Variants in WSCD2 observed in about 807,000 individuals in gnomAD.
The protein encoded by WSCD2 is sialate:O-sulfotransferase 2.
Under a neutral mutation model 55.7 loss-of-function variants are expected in WSCD2, and 28 were observed. The observed-to-expected ratio is 0.50, with a 90% confidence interval of 0.37 to 0.69. The LOEUF is 0.69. Among genes scored for constraint, WSCD2 ranks in the 30% least tolerant of loss-of-function variants. WSCD2 has a pLI of 0.00. For missense variants in WSCD2, 616 were observed against 762.1 expected (o/e 0.81, Z 2.26); for synonymous variants, 301 against 301.9 (o/e 1.00, Z 0.03).
intron 2 of WSCD2, among the ~76,000 whole-genome samples, chr12:108,202,677 GAAC>G (rs1249650804): frequency 1.3e-5 from 2 of 152,208 alleles, no homozygotes; most frequent in Non-Finnish European, 2.9e-5. Context: ...ACAAAGAGGG[GAAC>G]AACAGACACT....
At chr12:108,132,696 C>T (rs1487135125) in intron 1 of WSCD2, among the ~76,000 whole-genome samples, 8 of 152,184 alleles carry the variant, frequency 5.3e-5, no homozygotes, top group Non-Finnish European at 2.9e-5. Flanking sequence ...GGGATCTGTG[C>T]AGAAATATCC....
chr12:108,199,675 T>C (rs1884411212), intron 2 of WSCD2, among the ~76,000 whole-genome samples: 1 of 152,226 alleles, frequency 6.6e-6, no homozygotes, highest in Admixed American at 6.5e-5. Context: ...AGCATTTACA[T>C]CTATTACATC....
intron 1 of WSCD2, among the ~76,000 whole-genome samples, chr12:108,142,425 C>A (rs897947896): frequency 3.3e-5 from 5 of 152,184 alleles, no homozygotes; most frequent in Non-Finnish European, 7.3e-5. Context: ...AGGGACAGCC[C>A]TATAAGAGAC....
chr12:108,219,807 C>T (rs932062400), intron 4 of WSCD2, among the ~76,000 whole-genome samples: 2 of 152,258 alleles, frequency 1.3e-5, no homozygotes, highest in African/African-American at 4.8e-5. Context: ...CCCCAAAATA[C>T]TGTCTGTAGC....
intron 1 of WSCD2, among the ~76,000 whole-genome samples, chr12:108,170,872 G>C (rs1880171609): frequency 6.6e-5 from 10 of 152,172 alleles, no homozygotes; most frequent in Admixed American, 5.2e-4. Context: ...CAGTCCTGTG[G>C]GCTTGCAGAA....
chr12:108,201,631 C>T (rs758231607), intron 2 of WSCD2, among the ~76,000 whole-genome samples: 1 of 152,160 alleles, frequency 6.6e-6, no homozygotes. Flanking sequence ...TTTGAGGCTA[C>T]TGCAGCATCA....
intron 1 of WSCD2, among the ~76,000 whole-genome samples, chr12:108,141,676 A>C (rs1427756857): frequency 1.3e-5 from 2 of 152,174 alleles, no homozygotes; most frequent in Non-Finnish European, 2.9e-5. Flanking sequence ...TCTCCATCCC[A>C]AAATCCTCCA....
intron 8 of WSCD2, among the ~76,000 whole-genome samples, chr12:108,247,105 C>T (rs1890148636): frequency 6.6e-6 from 1 of 152,078 alleles, no homozygotes; most frequent in African/African-American, 2.4e-5. Flanking sequence ...ACTTAAAAGC[C>T]CAGACTTTGA....
rs749000017 is a variant in WSCD2 at position 108,210,449 on chromosome 12, C to T, written c.682+144C>T. On this transcript the variant is annotated intron_variant, in intron 4 of 8. Coordinates refer to ENST00000547525, the MANE Select transcript of WSCD2 (RefSeq NM_014653.4). This position sits in a 1 kb window ranked among gnomAD's most constrained non-coding sequence, Gnocchi z 4.3. ...CCACCGTCCTGCCCCTGCCTCACCT[C>T]TCCCACTCCCTCACAGAGCCCTTTG... The T allele has an allele frequency of 3.7e-6, 4 of 1,093,130 alleles. No homozygotes were observed. Among genetic ancestry groups the T allele is most frequent in the Non-Finnish European group, 5.1e-6 (4 of 784,270 alleles). 67.7% of individuals were successfully genotyped at this position (1,093,130 alleles called of 1,614,324 possible). A position where few individuals can be genotyped will look rare whatever the true frequency, so the allele number is the denominator to read the frequency against.
Position 108,224,733 on chromosome 12 carries a change from C to T in WSCD2, c.683-6C>T, listed in dbSNP as rs1887890975. 2 of 1,611,458 alleles carry T rather than the reference C, an allele frequency of 1.2e-6. No homozygotes were observed. The highest frequency in any genetic ancestry group is 1.7e-5 in the Admixed American group (1 of 59,890). On this transcript the variant is annotated splice_region_variant and splice_polypyrimidine_tract_variant and intron_variant, in intron 4 of 8. Coordinates refer to ENST00000547525, the MANE Select transcript of WSCD2 (RefSeq NM_014653.4). ...CTGACTAGTCCTCTTCTCTCTGGCT[C>T]TTCAGATGGAAGTGCAGTGTTCCGG...
At chr12:108,211,505 G>A (rs951624608) in intron 4 of WSCD2, among the ~76,000 whole-genome samples, 5 of 151,936 alleles carry the variant, frequency 3.3e-5, no homozygotes, top group East Asian at 3.9e-4. Flanking sequence ...CTGCCCACCC[G>A]GGTGGCTTTA....
chr12:108,131,460 G>A (rs551345254), intron 1 of WSCD2, among the ~76,000 whole-genome samples: 30 of 152,294 alleles, frequency 2.0e-4, no homozygotes, highest in African/African-American at 3.8e-4. Context: ...CCCTCTCCAC[G>A]CTTCGGCTCC....
intron 1 of WSCD2, among the ~76,000 whole-genome samples, chr12:108,159,659 T>G (rs1878865180): frequency 6.6e-6 from 1 of 152,208 alleles, no homozygotes; most frequent in Non-Finnish European, 1.5e-5. Context: ...CTCCAACTGC[T>G]TGGGATCATC....
intron 1 of WSCD2, among the ~76,000 whole-genome samples, chr12:108,176,445 A>G (rs1169675830): frequency 1.3e-5 from 2 of 152,226 alleles, no homozygotes; most frequent in African/African-American, 4.8e-5. Flanking sequence ...TTCACTCGGC[A>G]TAATGCATGA....
intron 1 of WSCD2, among the ~76,000 whole-genome samples, chr12:108,150,670 G>A (rs771604237): frequency 2.6e-5 from 4 of 152,124 alleles, no homozygotes; most frequent in Non-Finnish European, 5.9e-5. Flanking sequence ...ATATGCAGTC[G>A]GTGCTCAGTG....
At chr12:108,145,786 C>T (rs1483328131) in intron 1 of WSCD2, among the ~76,000 whole-genome samples, 2 of 152,154 alleles carry the variant, frequency 1.3e-5, no homozygotes, top group African/African-American at 4.8e-5. Flanking sequence ...TAGTACACAG[C>T]AGTGACAATG....
intron 2 of WSCD2, among the ~76,000 whole-genome samples, 178 bp from the exon 3 acceptor site, chr12:108,206,111 G>A (rs1001997414): frequency 4.6e-5 from 7 of 152,140 alleles, no homozygotes; most frequent in Admixed American, 1.3e-4. Context: ...CCGCTGCCCT[G>A]ATTAGACCAG....
At chr12:108,219,307 A>G (rs1887204913) in intron 4 of WSCD2, among the ~76,000 whole-genome samples, 1 of 152,246 alleles carries the variant, frequency 6.6e-6, no homozygotes, top group Non-Finnish European at 1.5e-5. Flanking sequence ...CACTATGTGC[A>G]GATGAGCACG....
Position 108,248,895 on chromosome 12 carries a change from G to T in WSCD2, c.*552G>T. On this transcript the variant is annotated 3_prime_UTR_variant, in exon 9 of 9. Transcript: ENST00000547525. The surrounding 1 kb of genome is among the most constrained non-coding windows in gnomAD (Gnocchi z 4.3). Reference sequence around the variant, plus strand: ...CTGGGAAGTTTCTCCGTGGCCTTAGGTTTCTGACATCCTGGATAGTGTGGG... The same window carrying T: ...CTGGGAAGTTTCTCCGTGGCCTTAGTTTTCTGACATCCTGGATAGTGTGGG... The T allele has an allele frequency of 9.1e-6, 9 of 988,694 alleles. No individual in the cohort carries two copies. Among genetic ancestry groups the T allele is most frequent in the Non-Finnish European group, 1.1e-5 (9 of 831,714 alleles). The allele number at this position is 988,694 out of a possible 1,614,324, so 61.2% of individuals were successfully genotyped here. A position where few individuals can be genotyped will look rare whatever the true frequency, so the allele number is the denominator to read the frequency against.
Sources: allele counts gnomAD v4.1 joint callset (sites outside exome capture counted in the v4.1 genomes callset), GRCh38; gene constraint gnomAD v4.1.1; non-coding constraint Gnocchi (gnomAD v3.1); transcripts MANE v1.5; gene names NCBI Gene and HGNC (gene_info 2026-07-23, HGNC 2026-07-21).